TLR4: variants seen among roughly 807,000 people sequenced by gnomAD.
TLR4 encodes the protein toll like receptor 4.
Under a neutral mutation model 27.4 loss-of-function variants are expected in TLR4, and 17 were observed. The ratio of observed to expected loss-of-function variants is 0.62; its 90% confidence interval spans 0.42 to 0.93. The LOEUF is 0.93. TLR4 is among the 40% of genes least tolerant of loss of function. The pLI, the probability that TLR4 is intolerant of heterozygous loss-of-function variation, is 0.00. For missense variants in TLR4, 926 were observed against 962.3 expected (o/e 0.96, Z 0.50); for synonymous variants, 363 against 365.7 (o/e 0.99, Z 0.08).
At chr9:117,711,683 C>T (rs1231257856) in intron 2 of TLR4, among the ~76,000 whole-genome samples, 2 of 152,128 alleles carry the variant, frequency 1.3e-5, no homozygotes, top group African/African-American at 4.8e-5. Context: ...TTAACTTCTA[C>T]TCATCTTTCA....
rs774704439 is a variant in TLR4, at chr9:117,714,693, G to T, written c.*45G>T. 2 of 1,544,622 alleles carry T rather than the reference G, an allele frequency of 1.3e-6. No homozygotes were observed. The highest frequency in any genetic ancestry group is 1.7e-5 in the Admixed American group (1 of 59,808). ...CCTGAGGCATTTCTTGCCCAGCTGG[G>T]TCCAACACTTGTTCAGTTAATAAGT... On this transcript the variant is annotated 3_prime_UTR_variant, in exon 3 of 3. Coordinates refer to ENST00000355622, the MANE Select transcript of TLR4 (RefSeq NM_138554.5).
chr9:117,708,591 T>G lies in TLR4; in HGVS notation c.122T>G (p.Met41Arg). Residue 41 changes from methionine to arginine, a missense_variant, in exon 2 of 3, where the codon ATG (methionine) becomes AGG (arginine). By Grantham distance (91) the Met-to-Arg change is moderately conservative. Coordinates refer to ENST00000355622, the MANE Select transcript of TLR4 (RefSeq NM_138554.5). ...GTTCCTAATATTACTTATCAATGCA[T>G]GGAGCTGAATTTCTACAAAATCCCC... ...EVVPNITYQC[M>R]ELNFYKIPDN... 2.5e-6 allele frequency: 4 copies of G among 1,613,900 alleles called. No individual in the cohort carries two copies. Among genetic ancestry groups the G allele is most frequent in the Non-Finnish European group, 3.4e-6 (4 of 1,179,812 alleles).
intron 2 of TLR4, among the ~76,000 whole-genome samples, chr9:117,711,199 A>C (rs1329823405): frequency 6.6e-6 from 1 of 152,306 alleles, no homozygotes; most frequent in South Asian, 2.1e-4. Flanking sequence ...CCTATCCTTT[A>C]TCTAGTTACC....
chr9:117,715,683 A>G lies in TLR4; in HGVS notation c.*1035A>G, dbSNP rs1829333748. 6.6e-6 allele frequency: 1 copy of G among 152,254 alleles called. No individual in the cohort carries two copies. Among genetic ancestry groups the G allele is most frequent in the African/African-American group, 2.4e-5 (1 of 41,548 alleles). 9.4% of individuals were successfully genotyped at this position (152,254 alleles called of 1,614,324 possible). On this transcript the variant is annotated 3_prime_UTR_variant, in exon 3 of 3. Transcript: ENST00000355622. ...GCAGCAGAAGTTTATTTTTTTCAGA[A>G]CAAGTGATGTTTGATGGACCTCTGA...
intron 2 of TLR4, among the ~76,000 whole-genome samples, chr9:117,711,240 T>A (rs966758358): frequency 6.6e-6 from 1 of 152,190 alleles, no homozygotes; most frequent in Non-Finnish European, 1.5e-5. Flanking sequence ...ACCACAATGC[T>A]TTTATTGTCT....
intron 1 of TLR4, among the ~76,000 whole-genome samples, chr9:117,707,255 A>G (rs970303849): frequency 6.6e-6 from 1 of 152,170 alleles, no homozygotes; most frequent in African/African-American, 2.4e-5. Flanking sequence ...AGACATACGA[A>G]TGAAGATCTG....
Position 117,723,182 on chromosome 9 carries a change from A to T in TLR4, c.*8534A>T, listed in dbSNP as rs548333097. ...ATTCCAGGAATTCTATTCTATGATT[A>T]GAGGTGTAACTTCATCATCCAGATT... is the stretch of plus-strand genomic sequence containing the variant. On this transcript the variant is annotated 3_prime_UTR_variant, in exon 3 of 3. Coordinates refer to ENST00000355622, the MANE Select transcript of TLR4 (RefSeq NM_138554.5). 19 of 152,336 alleles carry T rather than the reference A, an allele frequency of 1.2e-4. No individual in the cohort carries two copies. In the East Asian group the frequency reaches 3.7e-3, roughly 29 times the overall value. 9.4% of individuals were successfully genotyped at this position (152,336 alleles called of 1,614,324 possible).
chr9:117,708,078 G>T (rs1299880773), intron 1 of TLR4: 4 of 499,672 alleles, frequency 8.0e-6, no homozygotes, highest in Non-Finnish European at 1.0e-5. Flanking sequence ...TCCAATTTTA[G>T]TGTATGTGCT....
Position 117,715,747 on chromosome 9 carries a change from C to T in TLR4, c.*1099C>T, listed in dbSNP as rs2131175579. On this transcript the variant is annotated 3_prime_UTR_variant, in exon 3 of 3. Transcript: ENST00000355622. ...GACACAGATGGCTGGGATCCCTCCC[C>T]TGTACCCTTCTCACTGCCAGGAGAA... is the stretch of plus-strand genomic sequence containing the variant. 1 of 152,288 alleles carries T rather than the reference C, an allele frequency of 6.6e-6. No individual in the cohort carries two copies. Among genetic ancestry groups the T allele is most frequent in the Admixed American group, 6.5e-5 (1 of 15,294 alleles). 9.4% of individuals were successfully genotyped at this position (152,288 alleles called of 1,614,324 possible).
chr9:117,706,572 G>T (rs1255802219), intron 1 of TLR4, among the ~76,000 whole-genome samples: 1 of 152,104 alleles, frequency 6.6e-6, no homozygotes, highest in Non-Finnish European at 1.5e-5. Context: ...CTCTTACTTA[G>T]ATTTCACCAC....
In TLR4 at chr9:117,721,601, C is replaced by A. The variant is rs756413644; in HGVS notation, c.*6953C>A. On this transcript the variant is annotated 3_prime_UTR_variant, in exon 3 of 3. Coordinates refer to ENST00000355622, the MANE Select transcript of TLR4 (RefSeq NM_138554.5). ...TAAGAATCACTTAATGACTTTCATT[C>A]TGCTATCTATGTGTCTGTGTATCTA... is the stretch of plus-strand genomic sequence containing the variant. 5.3e-5 allele frequency: 8 copies of A among 152,188 alleles called. No individual in the cohort carries two copies. The highest frequency in any genetic ancestry group is 8.8e-5 in the Non-Finnish European group (6 of 68,036). 9.4% of individuals were successfully genotyped at this position (152,188 alleles called of 1,614,324 possible). A position where few individuals can be genotyped will look rare whatever the true frequency, so the allele number is the denominator to read the frequency against.
At chr9:117,707,570 G>A (rs1829155729) in intron 1 of TLR4, among the ~76,000 whole-genome samples, 1 of 152,192 alleles carries the variant, frequency 6.6e-6, no homozygotes, top group Admixed American at 6.5e-5. Context: ...TTTTGTTGGA[G>A]GAAATGAGAG....
chr9:117,708,448 G>A, intron 1 of TLR4, 115 bp from the exon 2 acceptor site: 1 of 1,590,084 alleles, frequency 6.3e-7, no homozygotes, highest in South Asian at 1.1e-5. Flanking sequence ...ATGAAAGGTT[G>A]ACTGAATTTT....
rs1286371271 is a variant in TLR4, at chr9:117,723,359, A to G, written c.*8711A>G. ...TGAAAAGGATTAAGCTATCAACCCC[A>G]TTGAGTTATAGGTGAAAGGCTGTGG... On this transcript the variant is annotated 3_prime_UTR_variant, in exon 3 of 3. Coordinates refer to ENST00000355622, the MANE Select transcript of TLR4 (RefSeq NM_138554.5). 1 of 152,192 alleles carries G rather than the reference A, an allele frequency of 6.6e-6. No individual in the cohort carries two copies. Among genetic ancestry groups the G allele is most frequent in the Non-Finnish European group, 1.5e-5 (1 of 68,022 alleles). The allele number at this position is 152,192 out of a possible 1,614,324, so 9.4% of individuals were successfully genotyped here. A position where few individuals can be genotyped will look rare whatever the true frequency, so the allele number is the denominator to read the frequency against.
At position 117,723,835 on chromosome 9, in the gene TLR4, TTTC is replaced by T. The variant is rs1361772464; in HGVS notation, c.*9193_*9195del. The T allele has an allele frequency of 6.6e-6, 1 of 152,206 alleles. No homozygotes were observed. Among genetic ancestry groups the T allele is most frequent in the Non-Finnish European group, 1.5e-5 (1 of 68,042 alleles). 9.4% of individuals were successfully genotyped at this position (152,206 alleles called of 1,614,324 possible). Reference sequence around the variant, plus strand: ...TGTGGACTAATCCTTGCAATTATTCTTTCTTCTTTCCCATACTTGACATTTAAA... The same window carrying T: ...TGTGGACTAATCCTTGCAATTATTCTTTCTTTCCCATACTTGACATTTAAA... On this transcript the variant is annotated 3_prime_UTR_variant, in exon 3 of 3. Coordinates refer to ENST00000355622, the MANE Select transcript of TLR4 (RefSeq NM_138554.5).
intron 1 of TLR4, among the ~76,000 whole-genome samples, chr9:117,705,463 GTCC>G (rs2131161295): frequency 6.6e-6 from 1 of 152,226 alleles, no homozygotes; most frequent in Non-Finnish European, 1.5e-5. Flanking sequence ...CCTGCCCATA[GTCC>G]TCCTCCTTGT....
chr9:117,707,386 A>G (rs2737196), intron 1 of TLR4, among the ~76,000 whole-genome samples: 146,980 of 152,290 alleles, frequency 0.97, 71,150 homozygotes, highest in Non-Finnish European at 1. Context: ...CTATGCAGGC[A>G]TATGGTAAGG....
rs5030711 is a variant in TLR4 at position 117,712,563 on chromosome 9, C to A, written c.435C>A (p.Pro145=). 11,890 of 1,614,004 alleles carry A rather than the reference C, an allele frequency of 7.4e-3. 57 individuals are homozygous for A. Among genetic ancestry groups the A allele is most frequent in the Non-Finnish European group, 8.9e-3 (10,457 of 1,179,968 alleles). The change falls in exon 3 of 3, where the codon CCC becomes CCA. Residue 145 remains proline (P), a synonymous_variant. Coordinates refer to ENST00000355622, the MANE Select transcript of TLR4 (RefSeq NM_138554.5). ...ATCTAGCATCTCTAGAGAACTTCCC[C>A]ATTGGACATCTCAAAACTTTGAAAG... is the stretch of plus-strand genomic sequence containing the variant. ...ETNLASLENF[P]IGHLKTLKEL...
chr9:117,710,079 A>C (rs11536881), intron 2 of TLR4, among the ~76,000 whole-genome samples: 3,140 of 152,222 alleles, frequency 0.021, 39 homozygotes, highest in Middle Eastern at 0.048. Context: ...TTTTTAAAAT[A>C]ATTTCAACTT....
Sources: allele counts gnomAD v4.1 joint callset (sites outside exome capture counted in the v4.1 genomes callset), GRCh38; gene constraint gnomAD v4.1.1; transcripts MANE v1.5; gene names NCBI Gene and HGNC (gene_info 2026-07-23, HGNC 2026-07-21).